Variants in TRPM6 observed in about 807,000 individuals in gnomAD.
The protein encoded by TRPM6 is channel kinase 2.
TRPM6 carries 111 observed loss-of-function variants against 247.6 expected under a neutral mutation model. The observed-to-expected ratio is 0.45, with a 90% CI of 0.38 to 0.52. The LOEUF (loss-of-function observed/expected upper bound fraction) is 0.52. Ranked by LOEUF, TRPM6 falls within the 20% of genes least tolerant of loss-of-function variation. TRPM6 has a pLI of 0.00. For synonymous variants in TRPM6, 892 were observed against 853.8 expected (o/e 1.04, Z -0.78); for missense variants, 2,126 against 2,421.5 (o/e 0.88, Z 2.56).
intron 27 of TRPM6, among the ~76,000 whole-genome samples, chr9:74,758,318 A>G (rs1028245000): frequency 6.6e-6 from 1 of 152,224 alleles, no homozygotes; most frequent in African/African-American, 2.4e-5. Flanking sequence ...AGACAAAGAT[A>G]TTACAATAAA....
intron 32 of TRPM6, among the ~76,000 whole-genome samples, chr9:74,743,419 T>A (rs1186387020): frequency 1.3e-5 from 2 of 152,256 alleles, no homozygotes; most frequent in East Asian, 3.8e-4. Flanking sequence ...TCTCATCCAA[T>A]GCTGAGAGCA....
intron 24 of TRPM6, among the ~76,000 whole-genome samples, chr9:74,775,400 A>T (rs1175483713): frequency 6.6e-6 from 1 of 152,002 alleles, no homozygotes; most frequent in African/African-American, 2.4e-5. Context: ...TTTCAGAATC[A>T]CCTCCATGCT....
chr9:74,826,203 G>A (rs1011809876), intron 7 of TRPM6, among the ~76,000 whole-genome samples: 8 of 152,146 alleles, frequency 5.3e-5, no homozygotes, highest in East Asian at 1.9e-4. Flanking sequence ...CACAACAAAC[G>A]TTAGACGTAG....
intron 30 of TRPM6, 112 bp downstream of exon 30, chr9:74,750,552 T>G: frequency 1.1e-6 from 1 of 949,440 alleles, no homozygotes; most frequent in Non-Finnish European, 1.7e-6. Flanking sequence ...TATTGTCATT[T>G]GACACACACT....
At chr9:74,804,042 A>G (rs1361146860) in intron 14 of TRPM6, among the ~76,000 whole-genome samples, 156 bp from the exon 15 acceptor site, 1 of 92,796 alleles carries the variant, frequency 1.1e-5, no homozygotes, top group Non-Finnish European at 2.0e-5. Flanking sequence ...CCAAATATCC[A>G]TGCCTCTGTT....
chr9:74,769,585 C>G (rs531085552), intron 25 of TRPM6, among the ~76,000 whole-genome samples: 1 of 151,836 alleles, frequency 6.6e-6, no homozygotes, highest in African/African-American at 2.4e-5. Context: ...GGTGAAACCC[C>G]GTCTCTACTA....
chr9:74,862,195 T>A (rs1182189280), intron 1 of TRPM6, among the ~76,000 whole-genome samples: 3 of 151,692 alleles, frequency 2.0e-5, no homozygotes, highest in Non-Finnish European at 2.9e-5. Context: ...CTCGTAATAG[T>A]TCCTTTGCAA....
At chr9:74,765,300 T>G (rs538860328) in intron 25 of TRPM6, among the ~76,000 whole-genome samples, 1 of 150,986 alleles carries the variant, frequency 6.6e-6, no homozygotes, top group African/African-American at 2.4e-5. Context: ...AAAATATATT[T>G]ACAAAGTATA....
intron 19 of TRPM6, among the ~76,000 whole-genome samples, chr9:74,790,084 C>T (rs1827852322): frequency 6.7e-6 from 1 of 149,022 alleles, no homozygotes; most frequent in African/African-American, 2.5e-5. Context: ...TCCTATTTCT[C>T]ATACATTTTT....
At chr9:74,745,388 T>G (rs1210424637) in intron 31 of TRPM6, among the ~76,000 whole-genome samples, 2 of 152,106 alleles carry the variant, frequency 1.3e-5, no homozygotes, top group Non-Finnish European at 2.9e-5. Flanking sequence ...ACAGATAAAG[T>G]CTCTAGTTCC....
In TRPM6 at chr9:74,800,440, G is replaced by A. The variant is rs147364287; in HGVS notation, c.2052C>T (p.Phe684=). Residue 684 remains phenylalanine, a synonymous_variant, in exon 17 of 39, where the codon TTC becomes TTT. Transcript: ENST00000360774. ...TCATGGCCATGCGCTCATTCTGCTT[G>A]AATGCCTTCTCCAACAAGTCCAGAG... is the stretch of plus-strand genomic sequence containing the variant. ...QLALDLLEKA[F]KQNERMAMTL... is the part of the protein sequence containing the mutation. The A allele has an allele frequency of 4.3e-6, 7 of 1,613,872 alleles. No homozygotes were observed. The African/African-American group carries it at 9.4e-5, about 22-fold the overall frequency.
At chr9:74,854,203 A>C (rs1587583923) in intron 3 of TRPM6, among the ~76,000 whole-genome samples, 1 of 152,200 alleles carries the variant, frequency 6.6e-6, no homozygotes, top group African/African-American at 2.4e-5. Flanking sequence ...ATGTGCAAAA[A>C]TGACTAGTTT....
intron 18 of TRPM6, among the ~76,000 whole-genome samples, chr9:74,795,227 T>A (rs1339658939): frequency 6.6e-6 from 1 of 152,176 alleles, no homozygotes; most frequent in Non-Finnish European, 1.5e-5. Context: ...TACCCTGGCC[T>A]ACCCTGCTTC....
intron 25 of TRPM6, among the ~76,000 whole-genome samples, chr9:74,768,717 G>A (rs772346287): frequency 2.6e-5 from 4 of 152,106 alleles, no homozygotes; most frequent in Non-Finnish European, 4.4e-5. Context: ...ACCAACCTTG[G>A]CGAGGCTGTG....
At chr9:74,826,606 T>C in intron 7 of TRPM6, among the ~76,000 whole-genome samples, 1 of 152,106 alleles carries the variant, frequency 6.6e-6, no homozygotes, top group East Asian at 1.9e-4. Context: ...TGGTGCATGC[T>C]GATTCTGGCC....
At chr9:74,819,419 GGA>G (rs1483456740) in intron 9 of TRPM6, among the ~76,000 whole-genome samples, 1 of 152,142 alleles carries the variant, frequency 6.6e-6, no homozygotes. Context: ...CAAGGCAAGA[GGA>G]TCACTTGAGC....
intron 1 of TRPM6, among the ~76,000 whole-genome samples, chr9:74,871,192 G>T (rs1831017388): frequency 7.1e-6 from 1 of 141,110 alleles, no homozygotes; most frequent in African/African-American, 2.5e-5. Flanking sequence ...TTTTCTAATA[G>T]ATAATATTGC....
intron 11 of TRPM6, among the ~76,000 whole-genome samples, chr9:74,815,192 C>T (rs1828883815): frequency 6.6e-6 from 1 of 151,304 alleles, no homozygotes; most frequent in Admixed American, 6.6e-5. Flanking sequence ...ATCATGTGCC[C>T]AACAAAATGG....
chr9:74,763,086 A>G lies in TRPM6; in HGVS notation c.3585T>C (p.Ser1195=). Reference sequence around the variant, plus strand: ...AAGACAGTAAGGAGTCCTTTATAAAAGACACCTTTTCATTCATTTCTTTCA... The same window carrying G: ...AAGACAGTAAGGAGTCCTTTATAAAGGACACCTTTTCATTCATTTCTTTCA... ...FQLKEMNEKV[S]FIKDSLLSLD... The change falls in exon 26 of 39, where the codon TCT becomes TCC. Residue 1195 remains serine, a synonymous_variant. Coordinates refer to ENST00000360774, the MANE Select transcript of TRPM6 (RefSeq NM_017662.5). 2 of 1,613,938 alleles carry G rather than the reference A, an allele frequency of 1.2e-6. No individual in the cohort carries two copies. The highest frequency in any genetic ancestry group is 2.2e-5 in the South Asian group (2 of 91,078).
Sources: allele counts gnomAD v4.1 joint callset (sites outside exome capture counted in the v4.1 genomes callset), GRCh38; gene constraint gnomAD v4.1.1; transcripts MANE v1.5; gene names NCBI Gene and HGNC (gene_info 2026-07-23, HGNC 2026-07-21).